Variants in GNB4 observed in about 807,000 individuals in gnomAD.
GNB4 encodes the protein guanine nucleotide-binding protein subunit beta-4.
A neutral mutation model predicts 45.2 loss-of-function variants in GNB4; 28 were observed. The ratio of observed to expected loss-of-function variants is 0.62; its 90% CI spans 0.46 to 0.85. GNB4 has a LOEUF of 0.85. Ranked by LOEUF, GNB4 falls within the 40% of genes least tolerant of loss-of-function variation. The probability of loss-of-function intolerance (pLI) is 0.00; values close to 1 mark genes in which losing one functional copy is unlikely to be tolerated. For missense variants in GNB4, 321 were observed against 425.4 expected (o/e 0.75, Z 2.16); for synonymous variants, 132 against 143.7 (o/e 0.92, Z 0.58).
chr3:179,414,882 C>A lies in GNB4; in HGVS notation c.430+3G>T. 6.4e-7 allele frequency: 1 copy of A among 1,571,990 alleles called. No individual in the cohort carries two copies. The highest frequency in any genetic ancestry group is 8.7e-7 in the Non-Finnish European group (1 of 1,150,254). ...GTGGGAAAGAATATTTAGGGAAGCT[C>A]ACCTGTGTGACCTGGCAACTCTCGG... On this transcript the variant is annotated splice_donor_region_variant and intron_variant, in intron 6 of 9. Coordinates refer to ENST00000232564, the MANE Select transcript of GNB4 (RefSeq NM_021629.4).
chr3:179,504,869 T>C, the GNB4 span, among the ~76,000 whole-genome samples: 578 of 152,088 alleles, frequency 3.8e-3, 1 homozygote, highest in Middle Eastern at 0.017. Flanking sequence ...GGCTCTGGGG[T>C]GTAGAGCCAG....
chr3:179,439,651 T>C (rs1245962374), intron 1 of GNB4, among the ~76,000 whole-genome samples: 1 of 152,344 alleles, frequency 6.6e-6, no homozygotes, highest in Non-Finnish European at 1.5e-5. Flanking sequence ...CAAATGTATA[T>C]CTCACTGCTT....
At chr3:179,491,670 G>A in the GNB4 span, among the ~76,000 whole-genome samples, 1 of 152,166 alleles carries the variant, frequency 6.6e-6, no homozygotes, top group African/African-American at 2.4e-5. Flanking sequence ...GTCCAAAATG[G>A]AGTTGTAGCC....
At chr3:179,508,932 G>GTGTATATATATA in the GNB4 span, among the ~76,000 whole-genome samples, 4 of 102,174 alleles carry the variant, frequency 3.9e-5, no homozygotes, top group Admixed American at 1.1e-4. Flanking sequence ...TTCAGCATGT[G>GTGTATATATATA]TATATATATA....
chr3:179,491,138 T>C, the GNB4 span, among the ~76,000 whole-genome samples: 4 of 152,094 alleles, frequency 2.6e-5, no homozygotes, highest in African/African-American at 7.2e-5. Flanking sequence ...ATTCTCAGCA[T>C]AGAAATAGAG....
chr3:179,519,661 C>G, the GNB4 span, among the ~76,000 whole-genome samples: 1 of 152,164 alleles, frequency 6.6e-6, no homozygotes, highest in Non-Finnish European at 1.5e-5. Flanking sequence ...CCTAACTATT[C>G]CTAGGCTACA....
At chr3:179,513,188 A>G in the GNB4 span, among the ~76,000 whole-genome samples, 9 of 98,152 alleles carry the variant, frequency 9.2e-5, no homozygotes, top group African/African-American at 2.9e-4. Flanking sequence ...CATGTGCAGC[A>G]ATTTTTTTTT....
chr3:179,421,566 TG>T (rs1714981306), intron 2 of GNB4, among the ~76,000 whole-genome samples: 1 of 152,224 alleles, frequency 6.6e-6, no homozygotes, highest in Non-Finnish European at 1.5e-5. Flanking sequence ...TCTTCAATTT[TG>T]TTTTTTCTAT....
chr3:179,409,259 C>G (rs751989214), intron 8 of GNB4, among the ~76,000 whole-genome samples: 1 of 152,034 alleles, frequency 6.6e-6, no homozygotes, highest in Non-Finnish European at 1.5e-5. Flanking sequence ...GCCTGTAATC[C>G]CAGCACTTTG....
At position 179,405,318 on chromosome 3, in the gene GNB4, A is replaced by T; in HGVS notation, c.788T>A (p.Leu263Ter). 3.1e-6 allele frequency: 5 copies of T among 1,614,188 alleles called. No homozygotes were observed. Among genetic ancestry groups the T allele is most frequent in the Non-Finnish European group, 4.2e-6 (5 of 1,180,000 alleles). ...FDLRADQELL[L>*]YSHDNIICGI... The stretch of plus-strand genomic sequence containing the variant: ...ACAGATGATATTGTCATGAGAATAC[A>T]ATAATAACTCTTGATCTGCACGAAG... Residue 263 changes from leucine to a stop codon, truncating the protein, a stop_gained, in exon 9 of 10, where the codon TTG becomes TAG. Transcript: ENST00000232564. LOFTEE classifies it high-confidence loss of function.
At chr3:179,524,085 T>A in the GNB4 span, among the ~76,000 whole-genome samples, 1 of 152,166 alleles carries the variant, frequency 6.6e-6, no homozygotes, top group East Asian at 1.9e-4. Context: ...GTGGGTAGCC[T>A]CCATATTTTA....
chr3:179,476,785 AACCTC>A, the GNB4 span, among the ~76,000 whole-genome samples: 1 of 152,234 alleles, frequency 6.6e-6, no homozygotes, highest in Admixed American at 6.5e-5. Flanking sequence ...CCATGGATTG[AACCTC>A]ACCTGGGCCT....
chr3:179,429,985 A>G (rs1326503206), intron 1 of GNB4, among the ~76,000 whole-genome samples: 1 of 152,102 alleles, frequency 6.6e-6, no homozygotes, highest in Non-Finnish European at 1.5e-5. Context: ...AACTTTTTCA[A>G]TCTTCCACTA....
At chr3:179,451,885 T>A (rs1435303472), upstream of GNB4, among the ~76,000 whole-genome samples, 1 of 152,122 alleles carries the variant, frequency 6.6e-6, no homozygotes, top group East Asian at 1.9e-4. Flanking sequence ...AGGTTTCCCA[T>A]TCTGGAATTC....
the GNB4 span, among the ~76,000 whole-genome samples, chr3:179,490,317 CA>C: frequency 6.6e-6 from 1 of 152,080 alleles, no homozygotes; most frequent in African/African-American, 2.4e-5. Context: ...TCTGTTCAAA[CA>C]AAAATATCAG....
upstream of GNB4, among the ~76,000 whole-genome samples, chr3:179,455,932 G>A (rs895215732): frequency 5.9e-5 from 9 of 152,074 alleles, no homozygotes; most frequent in African/African-American, 1.9e-4. Flanking sequence ...GGCTTTCCAC[G>A]GGCTACTTGG....
At chr3:179,513,072 G>A in the GNB4 span, among the ~76,000 whole-genome samples, 1 of 151,786 alleles carries the variant, frequency 6.6e-6, no homozygotes, top group South Asian at 2.1e-4. Flanking sequence ...GAAAATAAGA[G>A]ATGTAAGTTG....
chr3:179,444,593 T>A lies in GNB4; in HGVS notation c.-43+6753A>T, dbSNP rs943189434. ...TCGGCACGGTGGCATGCACCTATAG[T>A]CCCAGATACTTAAGAGGCTGAGATG... is the stretch of plus-strand genomic sequence containing the variant. On this transcript the variant is annotated intron_variant, in intron 1 of 9. Coordinates refer to ENST00000232564, the MANE Select transcript of GNB4 (RefSeq NM_021629.4). 1.1e-4 allele frequency among the ~76,000 whole-genome samples: 17 copies of A among 152,036 alleles called. 1 individual carries two copies. The highest frequency in any genetic ancestry group is 1.5e-5 in the Non-Finnish European group (1 of 68,006).
the GNB4 span, among the ~76,000 whole-genome samples, chr3:179,519,283 C>G: frequency 6.6e-6 from 1 of 152,210 alleles, no homozygotes; most frequent in Non-Finnish European, 1.5e-5. Context: ...AAAACTCTGG[C>G]CCAAAGCTCT....
Sources: allele counts gnomAD v4.1 joint callset (sites outside exome capture counted in the v4.1 genomes callset), GRCh38; gene constraint gnomAD v4.1.1; transcripts MANE v1.5; gene names NCBI Gene and HGNC (gene_info 2026-07-23, HGNC 2026-07-21).